Variants in CCDC171 observed in about 807,000 individuals in gnomAD.
CCDC171 encodes the protein coiled-coil domain-containing protein 171.
A neutral mutation model predicts 168.2 loss-of-function variants in CCDC171; 177 were observed. That is an observed-to-expected ratio of 1.05 (90% CI 0.93 to 1.19). The LOEUF (loss-of-function observed/expected upper bound fraction) is 1.19. Among genes scored for constraint, CCDC171 ranks in the 50% most tolerant of loss-of-function variants. The pLI, the probability that CCDC171 is intolerant of heterozygous loss-of-function variation, is 0.00. For synonymous variants in CCDC171, 687 were observed against 540.8 expected (o/e 1.27, Z -3.75); for missense variants, 1,991 against 1,539.0 (o/e 1.29, Z -4.91).
chr9:15,686,138 T>C (rs1037761399), intron 10 of CCDC171, among the ~76,000 whole-genome samples: 1 of 152,194 alleles, frequency 6.6e-6, no homozygotes, highest in African/African-American at 2.4e-5. Flanking sequence ...AACCTTGATA[T>C]TAAGCTCACT....
At chr9:16,002,913 G>C (rs1046867776) in intron 3 of CCDC171, among the ~76,000 whole-genome samples, 1 of 152,192 alleles carries the variant, frequency 6.6e-6, no homozygotes, top group Non-Finnish European at 1.5e-5. Flanking sequence ...TAGCCTAGAA[G>C]CTGTAGGCTA....
intron 3 of CCDC171, among the ~76,000 whole-genome samples, chr9:15,993,684 C>G (rs1195181594): frequency 6.6e-6 from 1 of 151,978 alleles, no homozygotes; most frequent in Non-Finnish European, 1.5e-5. Flanking sequence ...AAAATTTTTG[C>G]AATCTACTCA....
intron 16 of CCDC171, among the ~76,000 whole-genome samples, chr9:15,739,356 G>A (rs1178240891): frequency 6.6e-6 from 1 of 152,198 alleles, no homozygotes; most frequent in African/African-American, 2.4e-5. Flanking sequence ...TCAGGTTGAG[G>A]ACAGTGGGAG....
At chr9:15,758,598 G>A (rs948216675) in intron 18 of CCDC171, among the ~76,000 whole-genome samples, 21 of 152,252 alleles carry the variant, frequency 1.4e-4, no homozygotes, top group Admixed American at 1.0e-3. Context: ...GAAATGTGAG[G>A]ACATGAGATG....
intron 24 of CCDC171, among the ~76,000 whole-genome samples, chr9:15,891,609 A>G (rs1687912990): frequency 6.6e-6 from 1 of 152,168 alleles, no homozygotes; most frequent in South Asian, 2.1e-4. Context: ...TATCTTTTGA[A>G]GGGGTTAAAT....
intron 11 of CCDC171, among the ~76,000 whole-genome samples, chr9:15,707,428 A>G (rs1452547782): frequency 1.3e-5 from 2 of 152,200 alleles, no homozygotes; most frequent in Non-Finnish European, 2.9e-5. Flanking sequence ...ATTTTGCTTC[A>G]TCTATTCAGA....
intron 7 of CCDC171, among the ~76,000 whole-genome samples, chr9:15,650,826 T>C (rs904331429): frequency 6.6e-6 from 1 of 152,164 alleles, no homozygotes; most frequent in Non-Finnish European, 1.5e-5. Context: ...AGGCTATTCA[T>C]CATCTTGAAC....
chr9:15,632,796 A>G (rs1377140648), intron 7 of CCDC171, among the ~76,000 whole-genome samples: 1 of 152,204 alleles, frequency 6.6e-6, no homozygotes, highest in African/African-American at 2.4e-5. Flanking sequence ...AGTAACCAAA[A>G]CAGTATGGTA....
intron 24 of CCDC171, among the ~76,000 whole-genome samples, chr9:15,916,531 G>A (rs779395410): frequency 5.9e-5 from 9 of 151,872 alleles, no homozygotes; most frequent in Non-Finnish European, 1.2e-4. Flanking sequence ...TTGGCATGTA[G>A]GCTTTATGAT....
Position 15,564,096 on chromosome 9 carries a change from T to C in CCDC171, c.8T>C (p.Leu3Ser). 6.2e-7 allele frequency: 1 copy of C among 1,606,688 alleles called. No individual in the cohort carries two copies. Among genetic ancestry groups the C allele is most frequent in the South Asian group, 1.1e-5 (1 of 90,160 alleles). ...AAAGAGTTGGAAAACATCATGAATT[T>C]GAATACTTCAAGTAATACTGGTGAT... Reference protein sequence around the residue: MNLNTSSNTGDTQ... With the variant: MNSNTSSNTGDTQ... The change falls in exon 2 of 26, where the codon TTG (leucine) becomes TCG (serine). Residue 3 changes from leucine to serine, a missense_variant. Transcript: ENST00000380701.
chr9:15,839,619 CACTT>C (rs1196888900), intron 21 of CCDC171, among the ~76,000 whole-genome samples: 1 of 152,040 alleles, frequency 6.6e-6, no homozygotes, highest in African/African-American at 2.4e-5. Flanking sequence ...ATAATAATGA[CACTT>C]AGTTGTTACT....
intron 8 of CCDC171, among the ~76,000 whole-genome samples, chr9:15,664,914 G>A (rs940918103): frequency 2.6e-5 from 4 of 152,012 alleles, no homozygotes; most frequent in African/African-American, 9.7e-5. Context: ...GGTCAGGCTA[G>A]TCTCGAACTC....
the CCDC171 span, among the ~76,000 whole-genome samples, chr9:16,107,696 C>A: frequency 6.6e-6 from 1 of 151,920 alleles, no homozygotes; most frequent in South Asian, 2.1e-4. Flanking sequence ...GTCTCTTAAC[C>A]CCTAAATATT....
At chr9:16,093,811 C>T in the CCDC171 span, among the ~76,000 whole-genome samples, 3 of 152,180 alleles carry the variant, frequency 2.0e-5, no homozygotes, top group African/African-American at 7.2e-5. Context: ...GCAGTCGGCA[C>T]ATAGACCCAT....
chr9:15,874,699 A>G lies in CCDC171; in HGVS notation c.3600+36A>G, dbSNP rs369092566. On this transcript the variant is annotated intron_variant, in intron 24 of 25. Coordinates refer to ENST00000380701, the MANE Select transcript of CCDC171 (RefSeq NM_173550.4). ...AAATAACATTGTTTGCTACTGAGAC[A>G]TATAGAAAAATAAATTGCACTAACT... 2.0e-4 allele frequency: 298 copies of G among 1,478,966 alleles called. 1 individual carries two copies. In the African/African-American group the frequency reaches 3.6e-3, roughly 18 times the overall value. The allele number at this position is 1,478,966 out of a possible 1,614,324, so 91.6% of individuals were successfully genotyped here.
chr9:15,677,654 A>G (rs913126013), intron 9 of CCDC171, among the ~76,000 whole-genome samples: 9 of 151,070 alleles, frequency 6.0e-5, no homozygotes, highest in Non-Finnish European at 1.0e-4. Context: ...CTTCGAAGCT[A>G]CCTTTCATTA....
the CCDC171 span, among the ~76,000 whole-genome samples, chr9:16,107,006 C>G: frequency 6.6e-6 from 1 of 152,172 alleles, no homozygotes; most frequent in East Asian, 1.9e-4. Flanking sequence ...TCAGTGTTTG[C>G]ACTCTTCATT....
At chr9:16,048,783 T>G (rs1001071598) in intron 1 of CCDC171, among the ~76,000 whole-genome samples, 1 of 152,104 alleles carries the variant, frequency 6.6e-6, no homozygotes. Flanking sequence ...GCATCCACCT[T>G]AAAGAGTTAT....
chr9:15,977,561 A>C (rs1289554230), downstream of CCDC171, among the ~76,000 whole-genome samples: 1 of 152,218 alleles, frequency 6.6e-6, no homozygotes, highest in Non-Finnish European at 1.5e-5. Flanking sequence ...AAAGCTTTGA[A>C]AACTACTGGG....
Sources: gnomAD v4.1 joint callset for allele counts (sites outside exome capture counted in the v4.1 genomes callset) on GRCh38, gnomAD v4.1.1 for gene constraint, MANE v1.5 for transcripts, NCBI Gene and HGNC (gene_info 2026-07-23, HGNC 2026-07-21) for gene names.